The following SPAST variants were observed in gnomAD, a reference collection of about 807,000 sequenced individuals.
SPAST encodes spastic paraplegia 4 (autosomal dominant; spastin).
Under a neutral mutation model 76.6 loss-of-function variants are expected in SPAST, and 30 were observed. The observed-to-expected ratio is 0.39, with a 90% CI of 0.29 to 0.53. The LOEUF is 0.53. Among genes scored for constraint, SPAST ranks in the 20% least tolerant of loss-of-function variants. The pLI is 0.68. For synonymous variants in SPAST, 305 were observed against 281.0 expected (o/e 1.09, Z -0.86); for missense variants, 717 against 770.5 (o/e 0.93, Z 0.82).
At chr2:32,150,096 T>C (rs933064299) in intron 16 of SPAST, among the ~76,000 whole-genome samples, 26 of 149,240 alleles carry the variant, frequency 1.7e-4, no homozygotes, top group African/African-American at 6.4e-4. Flanking sequence ...TGAGATGGAG[T>C]CTTGCTCTGT....
At chr2:32,089,033 T>A (rs1179431021) in intron 2 of SPAST, among the ~76,000 whole-genome samples, 1 of 152,028 alleles carries the variant, frequency 6.6e-6, no homozygotes, top group East Asian at 1.9e-4. Flanking sequence ...GAAATCATCA[T>A]GAGAAACTGT....
chr2:32,064,312 G>T (rs894816388), intron 1 of SPAST, 66 bp downstream of exon 1: 56 of 1,290,016 alleles, frequency 4.3e-5, no homozygotes, highest in African/African-American at 7.4e-5. Context: ...GCCGGGGGAG[G>T]GCAACACCTG....
At chr2:32,084,415 C>T (rs553487495) in intron 1 of SPAST, among the ~76,000 whole-genome samples, 4 of 151,308 alleles carry the variant, frequency 2.6e-5, no homozygotes, top group African/African-American at 7.3e-5. Context: ...CCACCCGTCT[C>T]GGCCTCCCAA....
chr2:32,138,592 T>TCC (rs1679617898), intron 12 of SPAST, among the ~76,000 whole-genome samples: 1 of 152,190 alleles, frequency 6.6e-6, no homozygotes, highest in African/African-American at 2.4e-5. Flanking sequence ...AGACCATTGT[T>TCC]AGATGCAGTT....
chr2:32,090,755 G>T (rs1242274643), intron 3 of SPAST, among the ~76,000 whole-genome samples: 1 of 152,124 alleles, frequency 6.6e-6, no homozygotes, highest in African/African-American at 2.4e-5. Context: ...GACTTTTGCT[G>T]CATGCATCTT....
intron 1 of SPAST, among the ~76,000 whole-genome samples, chr2:32,079,601 C>G (rs1398987676): frequency 1.5e-5 from 2 of 134,888 alleles, no homozygotes; most frequent in Non-Finnish European, 3.2e-5. Context: ...TGCTCTGTCA[C>G]CCAGGCTAGA....
At chr2:32,078,660 A>G (rs1174265234) in intron 1 of SPAST, among the ~76,000 whole-genome samples, 2 of 152,140 alleles carry the variant, frequency 1.3e-5, no homozygotes, top group Non-Finnish European at 2.9e-5. Context: ...TAAAAAATGA[A>G]GTAAAATAGT....
intron 1 of SPAST, 110 bp downstream of exon 1, chr2:32,064,356 C>T: frequency 2.9e-6 from 3 of 1,046,210 alleles, no homozygotes; most frequent in Admixed American, 4.5e-5. Flanking sequence ...CGGTGCACCC[C>T]CGGAATTGAT....
intron 1 of SPAST, among the ~76,000 whole-genome samples, 158 bp downstream of exon 1, chr2:32,064,404 C>T (rs974697477): frequency 1.3e-5 from 2 of 152,190 alleles, no homozygotes; most frequent in Non-Finnish European, 2.9e-5. Context: ...GTCGGAGCCT[C>T]ATCTTCTAGT....
intron 5 of SPAST, among the ~76,000 whole-genome samples, chr2:32,115,109 G>A (rs575479886): frequency 3.3e-5 from 5 of 151,722 alleles, no homozygotes; most frequent in Admixed American, 3.3e-4. Flanking sequence ...CCACCACGTC[G>A]AGCTAATTTT....
At chr2:32,127,318 A>T (rs1679228764) in intron 8 of SPAST, 1 of 378,096 alleles carries the variant, frequency 2.6e-6, no homozygotes, top group Admixed American at 3.9e-5. Flanking sequence ...GGATTTCGCC[A>T]TGTTGGCCAG....
At chr2:32,077,506 C>T (rs935907681) in intron 1 of SPAST, among the ~76,000 whole-genome samples, 1 of 152,116 alleles carries the variant, frequency 6.6e-6, no homozygotes, top group African/African-American at 2.4e-5. Context: ...ATTTTTGCCA[C>T]AAGTCAGAGT....
At chr2:32,105,303 C>T (rs952387481) in intron 4 of SPAST, among the ~76,000 whole-genome samples, 2 of 152,196 alleles carry the variant, frequency 1.3e-5, no homozygotes, top group Admixed American at 6.5e-5. Flanking sequence ...TCAGCTCCAT[C>T]AGGCCATTTA....
intron 1 of SPAST, among the ~76,000 whole-genome samples, chr2:32,069,617 C>T (rs1330153566): frequency 6.7e-6 from 1 of 148,246 alleles, no homozygotes; most frequent in Non-Finnish European, 1.5e-5. Flanking sequence ...AGTGCAGTGG[C>T]GAGATCTCAG....
intron 1 of SPAST, among the ~76,000 whole-genome samples, chr2:32,084,009 C>CCT (rs1183694624): frequency 2.0e-5 from 3 of 150,656 alleles, no homozygotes; most frequent in Non-Finnish European, 2.9e-5. Context: ...CAACTCCTGA[C>CCT]CTCAGGTGAT....
chr2:32,150,239 A>ATTTTTTTTTTT (rs11363493), intron 16 of SPAST, among the ~76,000 whole-genome samples: 30 of 66,578 alleles, frequency 4.5e-4, no homozygotes, highest in Admixed American at 6.5e-4. Flanking sequence ...CGCCCAGCTA[A>ATTTTTTTTTTT]TTTTTTTTTT....
chr2:32,113,560 C>CTTTTTTTTTTTT (rs10534612), intron 4 of SPAST, among the ~76,000 whole-genome samples: 1 of 90,908 alleles, frequency 1.1e-5, no homozygotes, highest in Non-Finnish European at 2.1e-5. Flanking sequence ...TGCTTCATAA[C>CTTTTTTTTTTTT]TTTTTTTTTT....
chr2:32,124,516 A>G (rs1026868623), intron 7 of SPAST, among the ~76,000 whole-genome samples: 1 of 152,148 alleles, frequency 6.6e-6, no homozygotes, highest in African/African-American at 2.4e-5. Context: ...CTCTTACCAT[A>G]TGGTCCAGCA....
chr2:32,100,553 C>T (rs1196134972), intron 4 of SPAST, among the ~76,000 whole-genome samples: 4 of 151,716 alleles, frequency 2.6e-5, no homozygotes, highest in South Asian at 2.1e-4. Context: ...GTTGGTGTGC[C>T]GCACCCATTA....
Sources: allele counts gnomAD v4.1 joint callset (sites outside exome capture counted in the v4.1 genomes callset), GRCh38; gene constraint gnomAD v4.1.1; transcripts MANE v1.5; gene names NCBI Gene and HGNC (gene_info 2026-07-23, HGNC 2026-07-21).